Variants in IQSEC1 observed in about 807,000 individuals in gnomAD.
IQSEC1 encodes the protein IQ motif and SEC7 domain-containing protein 1.
A neutral mutation model predicts 91.0 loss-of-function variants in IQSEC1; 31 were observed. The ratio of observed to expected loss-of-function variants is 0.34; its 90% CI spans 0.26 to 0.46. The LOEUF (loss-of-function observed/expected upper bound fraction) is 0.46. Ranked by LOEUF, IQSEC1 falls within the 20% of genes least tolerant of loss-of-function variation. IQSEC1 has a pLI of 1.00. For synonymous variants in IQSEC1, 699 were observed against 662.6 expected, an observed-to-expected ratio of 1.05 and a Z score of -0.84; for missense variants, 1,388 against 1,575.6, an observed-to-expected ratio of 0.88 and a Z score of 2.02.
chr3:12,955,750 A>T (rs1324980445), intron 1 of IQSEC1, among the ~76,000 whole-genome samples: 1 of 152,234 alleles, frequency 6.6e-6, no homozygotes, highest in Non-Finnish European at 1.5e-5. Flanking sequence ...GGCCAAGGTG[A>T]GGATGAGGCC....
In IQSEC1 at chr3:12,924,294, G is replaced by T. The variant is rs543194254; in HGVS notation, c.1730+287C>A. On this transcript the variant is annotated intron_variant, in intron 4 of 13. Coordinates refer to ENST00000613206, the MANE Select transcript of IQSEC1 (RefSeq NM_001134382.3). This position sits in a 1 kb window ranked among gnomAD's most constrained non-coding sequence, Gnocchi z 6.3. Reference sequence around the variant, plus strand: ...TGCTGGGTTGGATCAACCGTGCTTAGGGATGGAGGGAAGGGAGGGGCCAAG... The same window carrying T: ...TGCTGGGTTGGATCAACCGTGCTTATGGATGGAGGGAAGGGAGGGGCCAAG... Among the ~76,000 whole-genome samples the T allele has an allele frequency of 1.1e-4, 17 of 152,330 alleles. No homozygotes were observed. The highest frequency in any genetic ancestry group is 1.9e-4 in the Non-Finnish European group (13 of 68,026).
chr3:13,028,923 G>A (rs1367589777), intron 1 of IQSEC1, among the ~76,000 whole-genome samples: 1 of 152,210 alleles, frequency 6.6e-6, no homozygotes, highest in Non-Finnish European at 1.5e-5. Context: ...TGAGACCTGC[G>A]CTGGCCAAGG....
At chr3:12,988,308 G>T (rs1273453849) in intron 1 of IQSEC1, among the ~76,000 whole-genome samples, 1 of 152,126 alleles carries the variant, frequency 6.6e-6, no homozygotes, top group Non-Finnish European at 1.5e-5. Context: ...CCAGCTACTG[G>T]GGAGGCTGCG....
intron 1 of IQSEC1, among the ~76,000 whole-genome samples, chr3:13,278,679 C>T (rs1389066420): frequency 1.5e-4 from 23 of 152,146 alleles, no homozygotes; most frequent in African/African-American, 4.8e-4. Flanking sequence ...ATTAGCCAGG[C>T]GTGGTGGTGC....
At position 12,967,685 on chromosome 3, in the gene IQSEC1, G is replaced by C. The variant is rs936858449; in HGVS notation, c.24-25820C>G. ...CAAGCCCGCCCCTCCGCCGCCGCCC[G>C]CTTGGCGCAGCGCGAGGCCGGGCCG... On this transcript the variant is annotated intron_variant, in intron 1 of 13. Coordinates refer to ENST00000613206, the MANE Select transcript of IQSEC1 (RefSeq NM_001134382.3). The surrounding 1 kb of genome is among the most constrained non-coding windows in gnomAD (Gnocchi z 5.9). 2 of 1,158,504 alleles carry C rather than the reference G, an allele frequency of 1.7e-6. No individual in the cohort carries two copies. The highest frequency in any genetic ancestry group is 2.1e-6 in the Non-Finnish European group (2 of 942,330). 71.8% of individuals were successfully genotyped at this position (1,158,504 alleles called of 1,614,324 possible). A position where few individuals can be genotyped will look rare whatever the true frequency, so the allele number is the denominator to read the frequency against.
rs890117574 is a variant in IQSEC1, at chr3:13,047,457, G to A, written c.23+25535C>T. ...CCTAAGGAGATCCTGGGGCAGGCTGGGGTGGACGGCAAGACAGTACCTGTA... is the reference window on the plus strand; with the variant it reads ...CCTAAGGAGATCCTGGGGCAGGCTGAGGTGGACGGCAAGACAGTACCTGTA... On this transcript the variant is annotated intron_variant, in intron 1 of 13. Coordinates refer to ENST00000613206, the MANE Select transcript of IQSEC1 (RefSeq NM_001134382.3). The A allele has an allele frequency of 2.1e-5, 21 of 984,748 alleles. 1 individual carries two copies. Among genetic ancestry groups the A allele is most frequent in the Middle Eastern group, 1.0e-3 (2 of 1,936 alleles). 61.0% of individuals were successfully genotyped at this position (984,748 alleles called of 1,614,324 possible).
intron 1 of IQSEC1, among the ~76,000 whole-genome samples, chr3:13,041,886 G>T (rs1175568576): frequency 6.6e-6 from 1 of 152,200 alleles, no homozygotes; most frequent in Non-Finnish European, 1.5e-5. Context: ...CCAAACTTGT[G>T]CTTAGGGAGG....
chr3:13,137,499 A>G (rs913756937), intron 2 of IQSEC1, among the ~76,000 whole-genome samples: 1 of 152,200 alleles, frequency 6.6e-6, no homozygotes, highest in African/African-American at 2.4e-5. Flanking sequence ...TCATCTCAAC[A>G]TCTGCAGTAA....
At chr3:13,180,257 C>G in intron 1 of IQSEC1, among the ~76,000 whole-genome samples, 1 of 152,210 alleles carries the variant, frequency 6.6e-6, no homozygotes, top group Non-Finnish European at 1.5e-5. Flanking sequence ...CTGTATCTAG[C>G]TCAAGGTTTG....
chr3:13,059,340 G>T (rs1004569161), intron 1 of IQSEC1, among the ~76,000 whole-genome samples: 2 of 152,208 alleles, frequency 1.3e-5, no homozygotes, highest in Non-Finnish European at 2.9e-5. Context: ...CTTGGGCTGA[G>T]TCTCTGTGGG....
In IQSEC1 at chr3:12,908,291, C is replaced by T. The variant is rs1040207698; in HGVS notation, c.2755+58G>A. On this transcript the variant is annotated intron_variant, in intron 12 of 13. Transcript: ENST00000613206. This position sits in a 1 kb window ranked among gnomAD's most constrained non-coding sequence, Gnocchi z 4.9. ...GTGATGCATGCCCTGAATGCAGACGCCCTGCCTCGGTCTTGCATGCGCTGG... is the reference window on the plus strand; with the variant it reads ...GTGATGCATGCCCTGAATGCAGACGTCCTGCCTCGGTCTTGCATGCGCTGG... 28 of 1,575,052 alleles carry T rather than the reference C, an allele frequency of 1.8e-5. No individual in the cohort carries two copies. The highest frequency in any genetic ancestry group is 2.3e-5 in the Non-Finnish European group (27 of 1,154,836).
At chr3:13,113,014 G>A (rs893214393) in intron 2 of IQSEC1, among the ~76,000 whole-genome samples, 2 of 152,246 alleles carry the variant, frequency 1.3e-5, no homozygotes, top group African/African-American at 2.4e-5. Context: ...CAGTCACCGG[G>A]TCGCAAGCAG....
At chr3:13,234,451 A>G (rs1189032040) in intron 1 of IQSEC1, among the ~76,000 whole-genome samples, 2 of 152,214 alleles carry the variant, frequency 1.3e-5, no homozygotes, top group Non-Finnish European at 2.9e-5. Context: ...ACACCTCTCC[A>G]GCAGGAAGCC....
rs1172915098 is a variant in IQSEC1 at position 12,899,223 on chromosome 3, C to G, written c.*1760G>C. ...GGCCAGCCAGCCAGCCAAGGTGACA[C>G]ACAGCCAGAGGGGGCTCCCCTCTCC... On this transcript the variant is annotated 3_prime_UTR_variant, in exon 14 of 14. Coordinates refer to ENST00000613206, the MANE Select transcript of IQSEC1 (RefSeq NM_001134382.3). 1.4e-6 allele frequency: 1 copy of G among 718,396 alleles called. No individual in the cohort carries two copies. The highest frequency in any genetic ancestry group is 2.3e-6 in the Non-Finnish European group (1 of 435,202). 44.5% of individuals were successfully genotyped at this position (718,396 alleles called of 1,614,324 possible).
At chr3:13,228,941 C>T (rs1694800951) in intron 1 of IQSEC1, among the ~76,000 whole-genome samples, 1 of 152,218 alleles carries the variant, frequency 6.6e-6, no homozygotes, top group Admixed American at 6.5e-5. Context: ...GCACCTAGGA[C>T]AATCTCTCAT....
chr3:13,160,296 G>A (rs1338113546), intron 2 of IQSEC1, among the ~76,000 whole-genome samples: 4 of 152,104 alleles, frequency 2.6e-5, no homozygotes, highest in Admixed American at 6.5e-5. Context: ...CTGGTGGGGA[G>A]GAGGTGTCTC....
At chr3:13,070,792 A>G (rs1705388581) in intron 1 of IQSEC1, among the ~76,000 whole-genome samples, 1 of 152,218 alleles carries the variant, frequency 6.6e-6, no homozygotes, top group African/African-American at 2.4e-5. Context: ...AAAGAAAGAC[A>G]GTGAGCGCTA....
At chr3:12,982,438 T>C (rs549457527) in intron 1 of IQSEC1, among the ~76,000 whole-genome samples, 2 of 152,336 alleles carry the variant, frequency 1.3e-5, no homozygotes, top group East Asian at 3.9e-4. Flanking sequence ...TAGAATATTC[T>C]ACAGCACACT....
intron 2 of IQSEC1, among the ~76,000 whole-genome samples, chr3:13,146,510 G>C (rs1706900793): frequency 6.6e-6 from 1 of 152,234 alleles, no homozygotes; most frequent in African/African-American, 2.4e-5. Context: ...ACCAAGGACA[G>C]CTGCAGCCAA....
Sources: gnomAD v4.1 joint callset for allele counts (sites outside exome capture counted in the v4.1 genomes callset) on GRCh38, gnomAD v4.1.1 for gene constraint, Gnocchi (gnomAD v3.1) non-coding constraint, MANE v1.5 for transcripts, NCBI Gene and HGNC (gene_info 2026-07-23, HGNC 2026-07-21) for gene names.